The following DOLPP1 variants were observed in gnomAD, a reference collection of about 807,000 sequenced individuals.
DOLPP1 encodes dolichyldiphosphatase 1.
In DOLPP1, 15 loss-of-function variants were observed where a neutral mutation model predicts 34.1. The observed-to-expected ratio is 0.44, with a 90% CI of 0.29 to 0.68. DOLPP1 has a LOEUF of 0.68. Ranked by LOEUF, DOLPP1 falls within the 30% of genes least tolerant of loss-of-function variation. DOLPP1 has a pLI of 0.12. For synonymous variants in DOLPP1, 130 were observed against 128.2 expected (o/e 1.01, Z -0.10); for missense variants, 249 against 307.1 (o/e 0.81, Z 1.41).
In DOLPP1 at chr9:129,086,724, C is replaced by T; in HGVS notation, c.606C>T (p.Phe202=). The change falls in exon 7 of 8, where the codon TTC becomes TTT. Residue 202 remains phenylalanine, a synonymous_variant. Transcript: ENST00000372546. ...PRIAAWPVSE[F]FLIRDTSLIP... is the part of the protein sequence containing the mutation. The stretch of plus-strand genomic sequence containing the variant: ...GTCTCTCCAGGCCTGTCTCCGAGTT[C>T]TTCCTAATCCGAGACACAAGCCTCA... 4 of 1,613,982 alleles carry T rather than the reference C, an allele frequency of 2.5e-6. No homozygotes were observed. Among genetic ancestry groups the T allele is most frequent in the African/African-American group, 2.7e-5 (2 of 75,056 alleles).
Position 129,084,782 on chromosome 9 carries a change from G to A in DOLPP1, c.177+14G>A. 6.3e-7 allele frequency: 1 copy of A among 1,583,930 alleles called. No individual in the cohort carries two copies. Among genetic ancestry groups the A allele is most frequent in the South Asian group, 1.1e-5 (1 of 90,500 alleles). ...GAGCTGCACACGGTGAGTCTGTCTTGCCCACACCCTCCCCACCCCACCCCC... is the reference window on the plus strand; with the variant it reads ...GAGCTGCACACGGTGAGTCTGTCTTACCCACACCCTCCCCACCCCACCCCC... On this transcript the variant is annotated intron_variant, in intron 2 of 7. Coordinates refer to ENST00000372546, the MANE Select transcript of DOLPP1 (RefSeq NM_020438.5).
chr9:129,086,798 G>A lies in DOLPP1; in HGVS notation c.680G>A (p.Arg227Lys). 1 of 1,613,312 alleles carries A rather than the reference G, an allele frequency of 6.2e-7. No individual in the cohort carries two copies. Among genetic ancestry groups the A allele is most frequent in the Non-Finnish European group, 8.5e-7 (1 of 1,179,876 alleles). ...FEYTVTRAEARNRQRKLGTKL... is the reference protein window; with the variant it reads ...FEYTVTRAEAKNRQRKLGTKL... Reference sequence around the variant, plus strand: ...TACACGGTAACCCGGGCAGAAGCCAGGTGAGTTCAGGGGACAGCAGTGCTC... The same window carrying A: ...TACACGGTAACCCGGGCAGAAGCCAAGTGAGTTCAGGGGACAGCAGTGCTC... Residue 227 changes from arginine to lysine, a missense_variant and splice_region_variant, in exon 7 of 8, where the codon AGG becomes AAG. By Grantham distance (26) the Arg-to-Lys change is conservative. Coordinates refer to ENST00000372546, the MANE Select transcript of DOLPP1 (RefSeq NM_020438.5).
chr9:129,084,866 T>C, intron 2 of DOLPP1, 98 bp downstream of exon 2: 2 of 1,022,244 alleles, frequency 2.0e-6, no homozygotes, highest in Non-Finnish European at 2.7e-6. Flanking sequence ...TTCTCATCCC[T>C]GCGTCCACCT....
chr9:129,087,428 G>T (rs1463782826), intron 7 of DOLPP1, among the ~76,000 whole-genome samples: 1 of 150,120 alleles, frequency 6.7e-6, no homozygotes, highest in African/African-American at 2.5e-5. Context: ...CCATTCTCCT[G>T]CCTCAGCCTC....
Position 129,085,411 on chromosome 9 carries a change from A to C in DOLPP1, c.362+105A>C. 6.6e-7 allele frequency: 1 copy of C among 1,504,908 alleles called. No homozygotes were observed. Among genetic ancestry groups the C allele is most frequent in the Non-Finnish European group, 9.2e-7 (1 of 1,085,126 alleles). 93.2% of individuals were successfully genotyped at this position (1,504,908 alleles called of 1,614,324 possible). ...ATGCCCCTGGGGTGGGAGGGGCTGCAGCGGAGGCAGAAGGTACCCAGGGAG... is the reference window on the plus strand; with the variant it reads ...ATGCCCCTGGGGTGGGAGGGGCTGCCGCGGAGGCAGAAGGTACCCAGGGAG... On this transcript the variant is annotated intron_variant, in intron 4 of 7. Coordinates refer to ENST00000372546, the MANE Select transcript of DOLPP1 (RefSeq NM_020438.5). This position sits in a 1 kb window ranked among gnomAD's most constrained non-coding sequence, Gnocchi z 7.0.
At chr9:129,086,869 CT>C in intron 7 of DOLPP1, 71 bp downstream of exon 7, 1 of 1,353,420 alleles carries the variant, frequency 7.4e-7, no homozygotes, top group Non-Finnish European at 1.1e-6. Context: ...TTGGAGGGCT[CT>C]CCGGGAGCCT....
rs574994465 is a variant in DOLPP1 at position 129,087,573 on chromosome 9, T to C, written c.680+775T>C. On this transcript the variant is annotated intron_variant, in intron 7 of 7. Transcript: ENST00000372546. ...CTTTGTGATCCACCCGCCTCGGCCT[T>C]CCAAAGTGCTGGGATTACAGGTGTG... is the stretch of plus-strand genomic sequence containing the variant. Among the ~76,000 whole-genome samples the C allele has an allele frequency of 1.7e-3, 259 of 152,074 alleles. 1 individual carries two copies. The highest frequency in any genetic ancestry group is 5.8e-3 in the African/African-American group (239 of 41,484).
chr9:129,086,674 A>C lies in DOLPP1; in HGVS notation c.591-35A>C, dbSNP rs767585187. On this transcript the variant is annotated intron_variant, in intron 6 of 7. Coordinates refer to ENST00000372546, the MANE Select transcript of DOLPP1 (RefSeq NM_020438.5). ...GGCATGGTAACAGACTCATGCCCTG[A>C]TGTGCCCCTGGCTCTCTGATGTCTG... 6.9e-6 allele frequency: 11 copies of C among 1,594,222 alleles called. No homozygotes were observed. The African/African-American group carries it at 1.3e-4, about 19-fold the overall frequency.
Position 129,085,669 on chromosome 9 carries a change from G to A in DOLPP1, c.461+53G>A. ...CACCCTGCCCATGTGGGGTCCTGCT[G>A]GTTCCTGGTCCCTGTCGGACCCCAC... On this transcript the variant is annotated intron_variant, in intron 5 of 7. Transcript: ENST00000372546. The surrounding 1 kb of genome is among the most constrained non-coding windows in gnomAD (Gnocchi z 7.0). 1 of 1,470,642 alleles carries A rather than the reference G, an allele frequency of 6.8e-7. No homozygotes were observed. The highest frequency in any genetic ancestry group is 9.4e-7 in the Non-Finnish European group (1 of 1,069,476). 91.1% of individuals were successfully genotyped at this position (1,470,642 alleles called of 1,614,324 possible). A position where few individuals can be genotyped will look rare whatever the true frequency, so the allele number is the denominator to read the frequency against.
chr9:129,086,121 C>T lies in DOLPP1; in HGVS notation c.462-18C>T. 1 of 1,611,780 alleles carries T rather than the reference C, an allele frequency of 6.2e-7. No homozygotes were observed. On this transcript the variant is annotated intron_variant, in intron 5 of 7. Coordinates refer to ENST00000372546, the MANE Select transcript of DOLPP1 (RefSeq NM_020438.5). ...GTCTGACTGGCTCTCACATACTTCG[C>T]TTCTGGCCTTGGCCCAGGGTCTACC...
chr9:129,082,872 T>C (rs143796021), intron 1 of DOLPP1, among the ~76,000 whole-genome samples: 2 of 152,278 alleles, frequency 1.3e-5, no homozygotes, highest in African/African-American at 4.8e-5. Flanking sequence ...GATATCTACA[T>C]TAGTGGATCA....
rs369531690 is a variant in DOLPP1, at chr9:129,085,513, C to T, written c.363-5C>T. On this transcript the variant is annotated splice_polypyrimidine_tract_variant and splice_region_variant and intron_variant, in intron 4 of 7. Transcript: ENST00000372546. This position sits in a 1 kb window ranked among gnomAD's most constrained non-coding sequence, Gnocchi z 7.0. ...TGAGGTCATCTGGTGGGCCTGTTTT[C>T]GCAGAATGCACCAAACAAACAACGC... The T allele has an allele frequency of 8.7e-6, 14 of 1,612,994 alleles. No homozygotes were observed. The South Asian group carries it at 9.9e-5, about 11-fold the overall frequency.
chr9:129,087,792 C>T (rs537391504), intron 7 of DOLPP1, among the ~76,000 whole-genome samples: 33 of 152,036 alleles, frequency 2.2e-4, no homozygotes, highest in African/African-American at 6.5e-4. Flanking sequence ...AGGGCAAAGC[C>T]GGGGATCCAT....
rs745463117 is a variant in DOLPP1 at position 129,084,984 on chromosome 9, T to A, written c.178-39T>A. ...TTGGGACTAGGTAGCAGCCAACAGG[T>A]GCACAGAGGCCCAGCTGACCATGCG... On this transcript the variant is annotated intron_variant, in intron 2 of 7. Transcript: ENST00000372546. 3.9e-6 allele frequency: 6 copies of A among 1,545,158 alleles called. No homozygotes were observed. The Admixed American group carries it at 1.1e-4, about 29-fold the overall frequency.
At chr9:129,084,562 G>C (rs1007030499) in intron 1 of DOLPP1, 106 bp from the exon 2 acceptor site, 63 of 871,000 alleles carry the variant, frequency 7.2e-5, no homozygotes, top group Non-Finnish European at 1.2e-4. Flanking sequence ...CCATTCTCCA[G>C]GCCCTGCCGG....
In DOLPP1 at chr9:129,089,353, G is replaced by T; in HGVS notation, c.*346G>T. The T allele has an allele frequency of 1.1e-5, 3 of 276,020 alleles. 1 individual carries two copies. In the South Asian group the frequency reaches 1.7e-4, roughly 15 times the overall value. 17.1% of individuals were successfully genotyped at this position (276,020 alleles called of 1,614,324 possible). A position where few individuals can be genotyped will look rare whatever the true frequency, so the allele number is the denominator to read the frequency against. On this transcript the variant is annotated 3_prime_UTR_variant, in exon 8 of 8. Transcript: ENST00000372546. The surrounding 1 kb of genome is among the most constrained non-coding windows in gnomAD (Gnocchi z 4.9). ...CTGGTCTCGGGGCCAGGAATTCCAG[G>T]TGGCGTGAGAAGTACACACTATTTA...
chr9:129,087,640 A>G (rs1007863559), intron 7 of DOLPP1, among the ~76,000 whole-genome samples: 4 of 143,074 alleles, frequency 2.8e-5, no homozygotes, highest in Non-Finnish European at 6.2e-5. Context: ...CTCTGGGTTC[A>G]GAGGGGAGCT....
chr9:129,085,138 C>G lies in DOLPP1; in HGVS notation c.262+31C>G. On this transcript the variant is annotated intron_variant, in intron 3 of 7. Coordinates refer to ENST00000372546, the MANE Select transcript of DOLPP1 (RefSeq NM_020438.5). This position sits in a 1 kb window ranked among gnomAD's most constrained non-coding sequence, Gnocchi z 7.0. ...GCCTCAGCTGCGAGGGCCTGAGGTT[C>G]CCCCAGGTTGGGGCGTTACTGGGAG... is the stretch of plus-strand genomic sequence containing the variant. 2 of 1,607,136 alleles carry G rather than the reference C, an allele frequency of 1.2e-6. No homozygotes were observed. Among genetic ancestry groups the G allele is most frequent in the Non-Finnish European group, 1.7e-6 (2 of 1,176,238 alleles).
chr9:129,086,873 G>T, intron 7 of DOLPP1, 75 bp downstream of exon 7: 1 of 1,333,540 alleles, frequency 7.5e-7, no homozygotes, highest in South Asian at 1.2e-5. Flanking sequence ...AGGGCTCTCC[G>T]GGAGCCTCGC....
Sources: allele counts gnomAD v4.1 joint callset (sites outside exome capture counted in the v4.1 genomes callset), GRCh38; gene constraint gnomAD v4.1.1; non-coding constraint Gnocchi (gnomAD v3.1); transcripts MANE v1.5; gene names NCBI Gene and HGNC (gene_info 2026-07-23, HGNC 2026-07-21).